Variants in CD109 observed in about 807,000 individuals in gnomAD.
The protein encoded by CD109 is CD109 molecule, also known as CD109 antigen.
In CD109, 149 loss-of-function variants were observed where a neutral mutation model predicts 165.8. The ratio of observed to expected loss-of-function variants is 0.90; its 90% CI spans 0.79 to 1.03. CD109 has a LOEUF of 1.03. Among genes scored for constraint, CD109 ranks in the 50% least tolerant of loss-of-function variants. The probability of loss-of-function intolerance (pLI) is 0.00; values close to 1 mark genes in which losing one functional copy is unlikely to be tolerated. For missense variants in CD109, 1,712 were observed against 1,677.8 expected (o/e 1.02, Z -0.36); for synonymous variants, 585 against 592.1 (o/e 0.99, Z 0.18).
At chr6:73,785,331 A>C (rs755637484) in intron 19 of CD109, 33 bp from the exon 20 acceptor site, 1 of 1,190,484 alleles carries the variant, frequency 8.4e-7, no homozygotes, top group South Asian at 1.3e-5. Flanking sequence ...TTTTGACCTG[A>C]ATAAAAATAT....
At position 73,806,888 on chromosome 6, in the gene CD109, A is replaced by T. The variant is rs755603969; in HGVS notation, c.3005A>T (p.Tyr1002Phe). 2.5e-6 allele frequency: 4 copies of T among 1,613,870 alleles called. No individual in the cohort carries two copies. The South Asian group carries it at 4.4e-5, about 18-fold the overall frequency. ...AGATGTTTCCTTGAAGCCGATCCTT[A>T]CATAGATATTGATCAGAATGTGTTA... ...VLRCFLEADP[Y>F]IDIDQNVLHR... The change falls in exon 25 of 33, where the codon TAC (tyrosine) becomes TTC (phenylalanine). Residue 1002 changes from tyrosine (Y) to phenylalanine (F), a missense_variant. Transcript: ENST00000287097.
intron 2 of CD109, among the ~76,000 whole-genome samples, chr6:73,716,152 A>G (rs1771736231): frequency 6.6e-6 from 1 of 152,184 alleles, no homozygotes; most frequent in African/African-American, 2.4e-5. Flanking sequence ...GTGTACATGT[A>G]CCACATTTTC....
Position 73,787,085 on chromosome 6 carries a change from C to G in CD109, c.2338-149C>G. On this transcript the variant is annotated intron_variant, in intron 20 of 32. Transcript: ENST00000287097. Reference sequence around the variant, plus strand: ...AAGAAATGAAGTTTTTCCTGATACTCTTTGATACTCTCCTTGGTCGAATCT... The same window carrying G: ...AAGAAATGAAGTTTTTCCTGATACTGTTTGATACTCTCCTTGGTCGAATCT... The G allele has an allele frequency of 8.4e-6, 5 of 595,742 alleles. No homozygotes were observed. The South Asian group carries it at 1.1e-4, about 13-fold the overall frequency. The allele number at this position is 595,742 out of a possible 1,614,324, so 36.9% of individuals were successfully genotyped here.
At chr6:73,739,894 G>T (rs1231948346) in intron 5 of CD109, among the ~76,000 whole-genome samples, 2 of 152,136 alleles carry the variant, frequency 1.3e-5, no homozygotes, top group South Asian at 2.1e-4. Context: ...TAAGAGACAG[G>T]GTTGTCGTCT....
rs1775695633 is a variant in CD109 at position 73,810,012 on chromosome 6, G to A, written c.3384G>A (p.Glu1128=). The part of the protein sequence containing the change: ...EGGMQFWVSS[E]SKLSDSWQPR... ...GCATGCAATTCTGGGTGTCATCAGAGTCCAAACTTTCTGACTCCTGGCAGC... is the reference window on the plus strand; with the variant it reads ...GCATGCAATTCTGGGTGTCATCAGAATCCAAACTTTCTGACTCCTGGCAGC... The change falls in exon 27 of 33, where the codon GAG becomes GAA. Residue 1128 remains glutamate (E), a synonymous_variant. Transcript: ENST00000287097. 6.3e-7 allele frequency: 1 copy of A among 1,593,214 alleles called. No individual in the cohort carries two copies. The highest frequency in any genetic ancestry group is 8.5e-7 in the Non-Finnish European group (1 of 1,172,556).
At chr6:73,739,026 G>C (rs182206204) in intron 5 of CD109, among the ~76,000 whole-genome samples, 140 of 152,260 alleles carry the variant, frequency 9.2e-4, no homozygotes, top group African/African-American at 3.2e-3. Context: ...TTCTGGTCTT[G>C]CTCACCTCTC....
intron 3 of CD109, among the ~76,000 whole-genome samples, chr6:73,730,021 G>A (rs958870663): frequency 2.6e-5 from 4 of 152,142 alleles, no homozygotes; most frequent in African/African-American, 9.7e-5. Context: ...GTTGAAGGAT[G>A]TTAGATATTC....
upstream of CD109, chr6:73,695,930 C>T: frequency 2.4e-6 from 1 of 421,760 alleles, no homozygotes. Context: ...GCTGGGACGC[C>T]GGGCCAGGTG....
At chr6:73,808,369 C>T in intron 26 of CD109, 121 bp downstream of exon 26, 1 of 964,442 alleles carries the variant, frequency 1.0e-6, no homozygotes, top group Non-Finnish European at 1.5e-6. Flanking sequence ...AAGTAAAACA[C>T]ATAATGAGAT....
intron 32 of CD109, among the ~76,000 whole-genome samples, chr6:73,821,937 A>G (rs904477704): frequency 1.3e-5 from 2 of 152,242 alleles, no homozygotes; most frequent in Non-Finnish European, 2.9e-5. Context: ...CAGCATCTGC[A>G]ATGCAGTAGC....
intron 7 of CD109, among the ~76,000 whole-genome samples, chr6:73,760,885 T>C (rs1773594107): frequency 6.6e-6 from 1 of 151,268 alleles, no homozygotes; most frequent in Non-Finnish European, 1.5e-5. Context: ...CGTGGTGGTG[T>C]GCGCTTGTCA....
At chr6:73,805,850 CG>C (rs2150292584) in intron 24 of CD109, among the ~76,000 whole-genome samples, 1 of 152,224 alleles carries the variant, frequency 6.6e-6, no homozygotes, top group South Asian at 2.1e-4. Flanking sequence ...TCAGAGGGCA[CG>C]GGGTTGGGGG....
At chr6:73,731,051 C>CTTTT (rs1405149756) in intron 4 of CD109, among the ~76,000 whole-genome samples, 1 of 145,154 alleles carries the variant, frequency 6.9e-6, no homozygotes, top group South Asian at 2.2e-4. Flanking sequence ...TTCTTTCTTT[C>CTTTT]TTTTTTTTTT....
intron 14 of CD109, among the ~76,000 whole-genome samples, chr6:73,770,318 AG>A (rs1773989708): frequency 6.6e-6 from 1 of 152,242 alleles, no homozygotes; most frequent in Non-Finnish European, 1.5e-5. Context: ...AAGGGAGCTC[AG>A]GGGCTTATAG....
intron 2 of CD109, among the ~76,000 whole-genome samples, chr6:73,714,762 T>C (rs1404916742): frequency 6.6e-6 from 1 of 152,224 alleles, no homozygotes; most frequent in Non-Finnish European, 1.5e-5. Flanking sequence ...TAACTCTAAG[T>C]TTCTTCTAAG....
intron 3 of CD109, among the ~76,000 whole-genome samples, chr6:73,729,323 T>C (rs1348150769): frequency 2.0e-5 from 3 of 150,280 alleles, no homozygotes. Flanking sequence ...TATTTTAAAA[T>C]TACCACATCA....
chr6:73,756,627 C>A lies in CD109; in HGVS notation c.634-16C>A. 6.6e-7 allele frequency: 1 copy of A among 1,517,762 alleles called. No individual in the cohort carries two copies. Among genetic ancestry groups the A allele is most frequent in the Non-Finnish European group, 8.9e-7 (1 of 1,129,028 alleles). 94.0% of individuals were successfully genotyped at this position (1,517,762 alleles called of 1,614,324 possible). A position where few individuals can be genotyped will look rare whatever the true frequency, so the allele number is the denominator to read the frequency against. The stretch of plus-strand genomic sequence containing the variant: ...TCATATACTTTCCTGTCTTTTTTTT[C>A]TCCCCTGCCCAATAGGACCAGACAT... On this transcript the variant is annotated splice_polypyrimidine_tract_variant and intron_variant, in intron 5 of 32. Transcript: ENST00000287097.
intron 22 of CD109, among the ~76,000 whole-genome samples, chr6:73,792,346 T>TA (rs955369059): frequency 1.3e-5 from 2 of 152,174 alleles, no homozygotes; most frequent in East Asian, 1.9e-4. Flanking sequence ...TAAAGATTTT[T>TA]AAAAAAATTA....
chr6:73,716,310 A>G (rs1449303445), intron 2 of CD109, among the ~76,000 whole-genome samples: 2 of 152,156 alleles, frequency 1.3e-5, no homozygotes, highest in African/African-American at 4.8e-5. Context: ...TGGGATTGCT[A>G]GATTGTATGG....
Sources: allele counts gnomAD v4.1 joint callset (sites outside exome capture counted in the v4.1 genomes callset), GRCh38; gene constraint gnomAD v4.1.1; transcripts MANE v1.5; gene names NCBI Gene and HGNC (gene_info 2026-07-23, HGNC 2026-07-21).